ATP8A2: variants seen among roughly 807,000 people sequenced by gnomAD.
ATP8A2 encodes the protein phospholipid-transporting ATPase IB.
Under a neutral mutation model 165.6 loss-of-function variants are expected in ATP8A2, and 100 were observed. That is an observed-to-expected ratio of 0.60 (90% confidence interval 0.51 to 0.71). ATP8A2 has a LOEUF of 0.71. ATP8A2 is among the 30% of genes least tolerant of loss of function. ATP8A2 has a pLI of 0.00. For missense variants in ATP8A2, 1,227 were observed against 1,479.5 expected (o/e 0.83, Z 2.80); for synonymous variants, 543 against 548.8 (o/e 0.99, Z 0.15).
intron 1 of ATP8A2, among the ~76,000 whole-genome samples, chr13:25,400,484 C>T (rs1353107593): frequency 6.6e-6 from 1 of 152,118 alleles, no homozygotes; most frequent in African/African-American, 2.4e-5. Flanking sequence ...TTCTTCAACA[C>T]CTTGAATGTT....
chr13:25,531,679 C>T (rs1593476203), intron 4 of ATP8A2, among the ~76,000 whole-genome samples: 1 of 151,906 alleles, frequency 6.6e-6, no homozygotes, highest in African/African-American at 2.4e-5. Flanking sequence ...CGACATGATG[C>T]CACAAGTGGA....
intron 35 of ATP8A2, among the ~76,000 whole-genome samples, chr13:25,986,512 G>C (rs200653936): frequency 6.6e-6 from 1 of 152,164 alleles, no homozygotes; most frequent in Non-Finnish European, 1.5e-5. Context: ...TTCCAGGTTC[G>C]TCCATGTTGT....
intron 10 of ATP8A2, among the ~76,000 whole-genome samples, chr13:25,547,045 G>C (rs1013805878): frequency 6.6e-6 from 1 of 152,088 alleles, no homozygotes; most frequent in African/African-American, 2.4e-5. Flanking sequence ...CAGGAGAATT[G>C]CCTGAACCCA....
chr13:25,946,600 C>A (rs73474503), intron 33 of ATP8A2, among the ~76,000 whole-genome samples: 1,540 of 152,310 alleles, frequency 0.01, 34 homozygotes, highest in African/African-American at 0.036. Flanking sequence ...CACGGAATGC[C>A]TCTAACAGAG....
At chr13:25,864,400 A>G (rs1275386537) in intron 33 of ATP8A2, among the ~76,000 whole-genome samples, 2 of 152,188 alleles carry the variant, frequency 1.3e-5, no homozygotes, top group Non-Finnish European at 2.9e-5. Context: ...TCTCACTCCC[A>G]TCGAGATACC....
chr13:25,586,087 T>A (rs890057580), intron 23 of ATP8A2, among the ~76,000 whole-genome samples: 1 of 152,164 alleles, frequency 6.6e-6, no homozygotes, highest in African/African-American at 2.4e-5. Context: ...TATATTTAAT[T>A]CCCTTGGAGA....
rs189524372 is a variant in ATP8A2, at chr13:25,845,314, G to A, written c.2956+5690G>A. On this transcript the variant is annotated intron_variant, in intron 30 of 36. Coordinates refer to ENST00000381655, the MANE Select transcript of ATP8A2 (RefSeq NM_016529.6). ...AGAGTTGAGCAACCCTCCTTGAAGT[G>A]TAATGTGGTTATTGGCAAAATAATA... Among the ~76,000 whole-genome samples, 486 of 152,264 alleles carry A rather than the reference G, an allele frequency of 3.2e-3. 2 individuals are homozygous for A. The highest frequency in any genetic ancestry group is 6.0e-3 in the South Asian group (29 of 4,822).
chr13:25,372,390 CCTCCCTGGG>C lies in ATP8A2; in HGVS notation c.76+115_76+123del, dbSNP rs974668993. 1.7e-4 allele frequency: 143 copies of C among 846,610 alleles called. No individual in the cohort carries two copies. The highest frequency in any genetic ancestry group is 2.2e-4 in the Non-Finnish European group (138 of 620,974). The allele number at this position is 846,610 out of a possible 1,614,324, so 52.4% of individuals were successfully genotyped here. ...CACTGCCCCGCCCGCGCCCCGCTCC[CCTCCCTGGG>C]CTCCCTGGGCTCTCTGGGCTGCAGG... On this transcript the variant is annotated intron_variant, in intron 1 of 36. Coordinates refer to ENST00000381655, the MANE Select transcript of ATP8A2 (RefSeq NM_016529.6). This position sits in a 1 kb window ranked among gnomAD's most constrained non-coding sequence, Gnocchi z 4.8.
intron 35 of ATP8A2, among the ~76,000 whole-genome samples, chr13:25,986,039 C>T (rs1281973533): frequency 6.6e-6 from 1 of 152,182 alleles, no homozygotes; most frequent in Non-Finnish European, 1.5e-5. Flanking sequence ...TTCACTAACC[C>T]ACTGAGGACT....
chr13:25,895,709 G>C (rs1953519232), intron 33 of ATP8A2, among the ~76,000 whole-genome samples: 1 of 152,176 alleles, frequency 6.6e-6, no homozygotes, highest in Non-Finnish European at 1.5e-5. Flanking sequence ...CTCAATTTCA[G>C]AGCCTGTTAT....
At chr13:25,442,523 C>T (rs1474656106) in intron 1 of ATP8A2, among the ~76,000 whole-genome samples, 1 of 152,108 alleles carries the variant, frequency 6.6e-6, no homozygotes, top group Non-Finnish European at 1.5e-5. Flanking sequence ...ATGTGATCTC[C>T]CTGCCTCAGC....
chr13:25,670,509 A>G (rs554012906), intron 24 of ATP8A2, among the ~76,000 whole-genome samples: 1 of 152,242 alleles, frequency 6.6e-6, no homozygotes, highest in African/African-American at 2.4e-5. Flanking sequence ...AATATTTGCT[A>G]AAAAAATGAT....
At chr13:25,432,338 C>T (rs2034639116) in intron 1 of ATP8A2, among the ~76,000 whole-genome samples, 1 of 152,172 alleles carries the variant, frequency 6.6e-6, no homozygotes, top group Non-Finnish European at 1.5e-5. Flanking sequence ...GGCCAGAAAA[C>T]AACTTTTGTG....
chr13:25,673,520 G>A (rs2042309100), intron 24 of ATP8A2, among the ~76,000 whole-genome samples: 1 of 152,180 alleles, frequency 6.6e-6, no homozygotes, highest in Non-Finnish European at 1.5e-5. Flanking sequence ...TGTGGTACTG[G>A]AAAATCATAC....
chr13:25,644,087 G>A (rs11841459), intron 24 of ATP8A2, among the ~76,000 whole-genome samples: 5,254 of 151,944 alleles, frequency 0.035, 157 homozygotes, highest in East Asian at 0.13. Flanking sequence ...ATTTTTGTTA[G>A]TTGACTTTAG....
chr13:25,550,102 C>T (rs562605055), intron 10 of ATP8A2, among the ~76,000 whole-genome samples: 63 of 152,170 alleles, frequency 4.1e-4, no homozygotes, highest in African/African-American at 1.4e-3. Flanking sequence ...GTCAGGAGTT[C>T]GACACCAGCC....
chr13:25,910,924 ATTT>A (rs35021710), intron 33 of ATP8A2, among the ~76,000 whole-genome samples: 1 of 142,802 alleles, frequency 7.0e-6, no homozygotes, highest in Non-Finnish European at 1.5e-5. Flanking sequence ...ATCCCTCTCA[ATTT>A]TTTTTTTTTT....
intron 25 of ATP8A2, among the ~76,000 whole-genome samples, chr13:25,729,865 A>C (rs1034230503): frequency 3.9e-5 from 6 of 152,346 alleles, no homozygotes; most frequent in African/African-American, 1.4e-4. Context: ...CTCTCTGTGC[A>C]AATAAATTTG....
intron 24 of ATP8A2, among the ~76,000 whole-genome samples, chr13:25,672,651 G>A (rs879390438): frequency 2.6e-5 from 4 of 152,166 alleles, no homozygotes; most frequent in Admixed American, 6.5e-5. Context: ...TTCTGTCAGC[G>A]TTTCTGAAGC....
Sources: gnomAD v4.1 joint callset for allele counts (sites outside exome capture counted in the v4.1 genomes callset) on GRCh38, gnomAD v4.1.1 for gene constraint, Gnocchi (gnomAD v3.1) non-coding constraint, MANE v1.5 for transcripts, NCBI Gene and HGNC (gene_info 2026-07-23, HGNC 2026-07-21) for gene names.